Variants in N4BP2 observed in about 807,000 individuals in gnomAD.
N4BP2 encodes the protein NEDD4-binding protein 2.
N4BP2 carries 91 observed loss-of-function variants against 152.8 expected under a neutral mutation model. That is an observed-to-expected ratio of 0.60 (90% CI 0.50 to 0.71). The LOEUF (loss-of-function observed/expected upper bound fraction) is 0.71. N4BP2 is among the 30% of genes least tolerant of loss of function. N4BP2 has a pLI of 0.00. For missense variants in N4BP2, 1,923 were observed against 2,059.1 expected, an observed-to-expected ratio of 0.93 and a Z score of 1.28; for synonymous variants, 646 against 705.3, an observed-to-expected ratio of 0.92 and a Z score of 1.33.
intron 1 of N4BP2, among the ~76,000 whole-genome samples, chr4:40,072,480 G>A (rs1413251967): frequency 6.6e-6 from 1 of 151,526 alleles, no homozygotes; most frequent in Non-Finnish European, 1.5e-5. Flanking sequence ...TCCTGACCTC[G>A]TGATCCACCC....
At chr4:40,137,802 A>G (rs1274277070) in intron 14 of N4BP2, among the ~76,000 whole-genome samples, 1 of 152,182 alleles carries the variant, frequency 6.6e-6, no homozygotes, top group African/African-American at 2.4e-5. Context: ...AGGCAGGGTA[A>G]GCAGGTTTAG....
rs1721715039 is a variant in N4BP2 at position 40,157,763 on chromosome 4, A to G, written c.*3526A>G. 1 of 152,230 alleles carries G rather than the reference A, an allele frequency of 6.6e-6. No individual in the cohort carries two copies. Among genetic ancestry groups the G allele is most frequent in the Non-Finnish European group, 1.5e-5 (1 of 68,026 alleles). 9.4% of individuals were successfully genotyped at this position (152,230 alleles called of 1,614,324 possible). A position where few individuals can be genotyped will look rare whatever the true frequency, so the allele number is the denominator to read the frequency against. On this transcript the variant is annotated 3_prime_UTR_variant, in exon 18 of 18. Coordinates refer to ENST00000261435, the MANE Select transcript of N4BP2 (RefSeq NM_018177.6). ...AATGTTTATGTGGCCAAAAGGTGTC[A>G]TTTAAAAGGTAAAATAAGTTTATGT... is the stretch of plus-strand genomic sequence containing the variant.
At position 40,073,903 on chromosome 4, in the gene N4BP2, C is replaced by T. The variant is rs566567336; in HGVS notation, c.-115+352C>T. ...TGCTTCCCAGGTTTAAGCGATTCTCCTGCCTCAGCCTCCCAAGTAGCTGGG... is the reference window on the plus strand; with the variant it reads ...TGCTTCCCAGGTTTAAGCGATTCTCTTGCCTCAGCCTCCCAAGTAGCTGGG... On this transcript the variant is annotated intron_variant, in intron 2 of 17. Transcript: ENST00000261435. 2.0e-5 allele frequency among the ~76,000 whole-genome samples: 3 copies of T among 151,900 alleles called. No homozygotes were observed. In the South Asian group the frequency reaches 6.2e-4, roughly 32 times the overall value.
intron 17 of N4BP2, among the ~76,000 whole-genome samples, chr4:40,153,451 A>G (rs1456229155): frequency 6.6e-6 from 1 of 152,210 alleles, no homozygotes; most frequent in African/African-American, 2.4e-5. Flanking sequence ...CATAAGTTAA[A>G]TGCCATTAAT....
chr4:40,136,855 T>C, intron 13 of N4BP2, 89 bp from the exon 14 acceptor site: 1 of 950,096 alleles, frequency 1.1e-6, no homozygotes, highest in Non-Finnish European at 1.5e-6. Context: ...TTCATATTCT[T>C]GTAAGATGTT....
intron 1 of N4BP2, among the ~76,000 whole-genome samples, chr4:40,067,258 C>T (rs948274007): frequency 7.2e-5 from 11 of 151,820 alleles, no homozygotes; most frequent in Non-Finnish European, 1.0e-4. Flanking sequence ...CCATGTTGCC[C>T]GGGCTGATCT....
intron 2 of N4BP2, among the ~76,000 whole-genome samples, chr4:40,096,647 A>G (rs1715130905): frequency 6.6e-6 from 1 of 152,144 alleles, no homozygotes; most frequent in South Asian, 2.1e-4. Context: ...GAGATAGGAG[A>G]CTTATAGTAA....
intron 2 of N4BP2, among the ~76,000 whole-genome samples, chr4:40,090,175 T>C (rs1714389527): frequency 6.6e-6 from 1 of 152,196 alleles, no homozygotes; most frequent in Admixed American, 6.5e-5. Context: ...CTACATAGTT[T>C]TGATTAGTGT....
intron 2 of N4BP2, among the ~76,000 whole-genome samples, chr4:40,090,952 A>AAAGTTGT (rs368159426): frequency 0.35 from 34,957 of 99,320 alleles, 8,779 homozygotes; most frequent in Middle Eastern, 0.43. Context: ...AAAAAAAAAA[A>AAAGTTGT]AGTTTATAAG....
intron 2 of N4BP2, among the ~76,000 whole-genome samples, chr4:40,080,824 AT>A (rs34784076): frequency 2.8e-4 from 38 of 135,610 alleles, no homozygotes; most frequent in African/African-American, 3.3e-4. Context: ...CGCCTGGCTA[AT>A]TTTTTTTTTT....
intron 2 of N4BP2, among the ~76,000 whole-genome samples, chr4:40,076,857 A>T (rs1712793662): frequency 6.6e-6 from 1 of 152,110 alleles, no homozygotes; most frequent in East Asian, 1.9e-4. Context: ...TTTTCTTATC[A>T]CAGTAGTATT....
the N4BP2 span, among the ~76,000 whole-genome samples, chr4:40,164,354 T>G: frequency 1.3e-5 from 2 of 152,118 alleles, no homozygotes; most frequent in Admixed American, 6.5e-5. Context: ...GGAGTTTGAT[T>G]TGTGGCTGAG....
chr4:40,092,007 A>AAAT lies in N4BP2; in HGVS notation c.-114-5220_-114-5219insAAT, dbSNP rs1417559048. On this transcript the variant is annotated intron_variant, in intron 2 of 17. Coordinates refer to ENST00000261435, the MANE Select transcript of N4BP2 (RefSeq NM_018177.6). The stretch of plus-strand genomic sequence containing the variant: ...AAAAAAAAAAAAAAAAAAAAAAAAA[A>AAAT]TTATATATATATATATATATATATA... 2.8e-3 allele frequency among the ~76,000 whole-genome samples: 92 copies of AAAT among 33,328 alleles called. 2 individuals carry two copies. The highest frequency in any genetic ancestry group is 0.011 in the African/African-American group (87 of 8,180). The allele number at this position is 33,328 out of a possible 152,430, so 21.9% of individuals were successfully genotyped here.
chr4:40,097,631 T>A lies in N4BP2; in HGVS notation c.229+62T>A, dbSNP rs1715223332. 6.7e-6 allele frequency: 6 copies of A among 894,982 alleles called. No homozygotes were observed. The East Asian group carries it at 1.5e-4, about 22-fold the overall frequency. 55.4% of individuals were successfully genotyped at this position (894,982 alleles called of 1,614,324 possible). On this transcript the variant is annotated intron_variant, in intron 3 of 17. Coordinates refer to ENST00000261435, the MANE Select transcript of N4BP2 (RefSeq NM_018177.6). ...TAAGAAGACTTTGTGTACTATGCCA[T>A]GATTAATAGTAATATAGAAAAATGT...
the N4BP2 span, chr4:40,166,952 T>C: frequency 6.6e-6 from 1 of 152,232 alleles, no homozygotes; most frequent in South Asian, 2.1e-4. Context: ...TGCTATTAAA[T>C]ACTAGATCTT....
intron 1 of N4BP2, among the ~76,000 whole-genome samples, chr4:40,065,336 T>A (rs1733963775): frequency 6.6e-6 from 1 of 152,220 alleles, no homozygotes; most frequent in African/African-American, 2.4e-5. Context: ...AGTGGATATG[T>A]CTGTCAAACA....
intron 14 of N4BP2, chr4:40,142,168 C>A: frequency 5.4e-6 from 1 of 184,116 alleles, no homozygotes. Context: ...GAGAGGGCAG[C>A]GTGTAACCTT....
rs1467527719 is a variant in N4BP2 at position 40,120,455 on chromosome 4, C to T, written c.2344C>T (p.His782Tyr). 6.2e-7 allele frequency: 1 copy of T among 1,613,858 alleles called. No individual in the cohort carries two copies. Residue 782 changes from histidine to tyrosine, a missense_variant, in exon 9 of 18, where the codon CAT becomes TAT. Physicochemically the swap from His to Tyr is moderately conservative, Grantham distance 83. Coordinates refer to ENST00000261435, the MANE Select transcript of N4BP2 (RefSeq NM_018177.6). ...SKSTLEKFPR[H>Y]ELSNFVGDWP... ...ATCGACTTTGGAAAAGTTCCCAAGA[C>T]ATGAGCTATCAAATTTTGTTGGTGA...
rs886716698 is a variant in N4BP2, at chr4:40,113,360, A to G, written c.1588-72A>G. On this transcript the variant is annotated intron_variant, in intron 6 of 17. Coordinates refer to ENST00000261435, the MANE Select transcript of N4BP2 (RefSeq NM_018177.6). ...ATAATCTTTACGTTTTACATGCTAT[A>G]TATTTGGAAACAATAATTTTAATTT... 35 of 1,137,158 alleles carry G rather than the reference A, an allele frequency of 3.1e-5. No individual in the cohort carries two copies. The African/African-American group carries it at 5.4e-4, about 18-fold the overall frequency. The allele number at this position is 1,137,158 out of a possible 1,614,324, so 70.4% of individuals were successfully genotyped here.
Sources: allele counts gnomAD v4.1 joint callset (sites outside exome capture counted in the v4.1 genomes callset), GRCh38; gene constraint gnomAD v4.1.1; transcripts MANE v1.5; gene names NCBI Gene and HGNC (gene_info 2026-07-23, HGNC 2026-07-21).